TBX2: variants seen among roughly 807,000 people sequenced by gnomAD.
The protein encoded by TBX2 is T-box transcription factor TBX2.
A neutral mutation model predicts 48.4 loss-of-function variants in TBX2; 19 were observed. The ratio of observed to expected loss-of-function variants is 0.39; its 90% CI spans 0.27 to 0.58. TBX2 has a LOEUF of 0.58. Among genes scored for constraint, TBX2 ranks in the 20% least tolerant of loss-of-function variants. The probability of loss-of-function intolerance (pLI) is 0.54; values close to 1 mark genes in which losing one functional copy is unlikely to be tolerated. For synonymous variants in TBX2, 522 were observed against 459.7 expected (o/e 1.14, Z -1.73); for missense variants, 994 against 1,006.5 (o/e 0.99, Z 0.17).
Position 61,400,636 on chromosome 17 carries a change from G to A in TBX2, c.395+65G>A. On this transcript the variant is annotated intron_variant, in intron 1 of 6. Transcript: ENST00000240328. This position sits in a 1 kb window ranked among gnomAD's most constrained non-coding sequence, Gnocchi z 9.2. ...GGCGGGCTGGGGCACGGGACTGCAC[G>A]GATCAGAGCAGAGCTGGGGACTCCC... 1.3e-6 allele frequency: 2 copies of A among 1,491,634 alleles called. No homozygotes were observed. The highest frequency in any genetic ancestry group is 1.4e-5 in the African/African-American group (1 of 71,042). 92.4% of individuals were successfully genotyped at this position (1,491,634 alleles called of 1,614,324 possible).
intron 2 of TBX2, 67 bp from the exon 3 acceptor site, chr17:61,402,994 T>C (rs898886735): frequency 1.8e-5 from 26 of 1,428,498 alleles, no homozygotes; most frequent in Admixed American, 2.6e-5. Flanking sequence ...AGAGGTCAGG[T>C]ACCCAAAGAA....
At chr17:61,402,306 C>T (rs146300791) in intron 2 of TBX2, among the ~76,000 whole-genome samples, 25 of 152,238 alleles carry the variant, frequency 1.6e-4, no homozygotes, top group Admixed American at 1.6e-3. Context: ...AGGTGCCGAG[C>T]TTGGAAGACC....
chr17:61,402,027 G>T, intron 2 of TBX2, 76 bp downstream of exon 2: 1 of 1,514,410 alleles, frequency 6.6e-7, no homozygotes, highest in African/African-American at 1.4e-5. Context: ...AGAGCAGGGC[G>T]GCAGGATCTC....
At position 61,403,321 on chromosome 17, in the gene TBX2, C is replaced by G; in HGVS notation, c.810+114C>G. On this transcript the variant is annotated intron_variant, in intron 3 of 6. Coordinates refer to ENST00000240328, the MANE Select transcript of TBX2 (RefSeq NM_005994.4). The surrounding 1 kb of genome is among the most constrained non-coding windows in gnomAD (Gnocchi z 5.8). ...CCCCTGCACGGGATCCGCGCTCTTGCGGCCCGCCCCCGAGCACCGAGCCTC... is the reference window on the plus strand; with the variant it reads ...CCCCTGCACGGGATCCGCGCTCTTGGGGCCCGCCCCCGAGCACCGAGCCTC... 6.7e-7 allele frequency: 1 copy of G among 1,482,338 alleles called. No homozygotes were observed. The highest frequency in any genetic ancestry group is 9.0e-7 in the Non-Finnish European group (1 of 1,113,570). The allele number at this position is 1,482,338 out of a possible 1,614,324, so 91.8% of individuals were successfully genotyped here. A position where few individuals can be genotyped will look rare whatever the true frequency, so the allele number is the denominator to read the frequency against.
chr17:61,400,280 C>A lies in TBX2; in HGVS notation c.104C>A (p.Pro35His). 8.5e-7 allele frequency: 1 copy of A among 1,171,960 alleles called. No individual in the cohort carries two copies. The highest frequency in any genetic ancestry group is 1.8e-5 in the South Asian group (1 of 56,444). 72.6% of individuals were successfully genotyped at this position (1,171,960 alleles called of 1,614,324 possible). The change falls in exon 1 of 7, where the codon CCC (proline) becomes CAC (histidine). Residue 35 changes from proline (P) to histidine (H), a missense_variant. Around this residue, in one of 5 missense-constraint regions of TBX2, gnomAD observed 165 missense variants for 136.8 expected, o/e 1.21. Transcript: ENST00000240328. The surrounding 1 kb of genome is among the most constrained non-coding windows in gnomAD (Gnocchi z 9.2). ...TCCGCCTTTCTGGCGGCGGCGCAGC[C>A]CTCCTTCTTCCCGGCACTCGCGCTG... ...PMSAFLAAAQPSFFPALALPP... is the reference protein window; with the variant it reads ...PMSAFLAAAQHSFFPALALPP...
At position 61,403,277 on chromosome 17, in the gene TBX2, G is replaced by C; in HGVS notation, c.810+70G>C. On this transcript the variant is annotated intron_variant, in intron 3 of 6. Coordinates refer to ENST00000240328, the MANE Select transcript of TBX2 (RefSeq NM_005994.4). This position sits in a 1 kb window ranked among gnomAD's most constrained non-coding sequence, Gnocchi z 5.8. ...TCAACACGTGCAGGCCCAACCGTCCGTTCATCGCCCCTCGAAGCCCCCTGC... is the reference window on the plus strand; with the variant it reads ...TCAACACGTGCAGGCCCAACCGTCCCTTCATCGCCCCTCGAAGCCCCCTGC... 1 of 1,574,314 alleles carries C rather than the reference G, an allele frequency of 6.4e-7. No individual in the cohort carries two copies. Among genetic ancestry groups the C allele is most frequent in the Non-Finnish European group, 8.6e-7 (1 of 1,168,834 alleles).
chr17:61,407,888 C>T, intron 6 of TBX2, 166 bp from the exon 7 acceptor site: 2 of 855,842 alleles, frequency 2.3e-6, no homozygotes, highest in East Asian at 2.6e-5. Context: ...TGGCCACAGG[C>T]ACACTGGCTC....
rs755172964 is a variant in TBX2 at position 61,405,433 on chromosome 17, A to G, written c.1283A>G (p.Glu428Gly). Residue 428 changes from glutamate (E) to glycine (G), a missense_variant, in exon 6 of 7, where the codon GAA becomes GGA. By Grantham distance (98) the Glu-to-Gly change is moderately conservative. Coordinates refer to ENST00000240328, the MANE Select transcript of TBX2 (RefSeq NM_005994.4). ...GLRSLEKERA[E>G]ARRKDEGRKE... ...AGGAGCCTGGAGAAGGAGCGCGCCG[A>G]AGCTCGGAGGAAGGACGAGGGGCGC... 2 of 1,559,602 alleles carry G rather than the reference A, an allele frequency of 1.3e-6. No individual in the cohort carries two copies. Among genetic ancestry groups the G allele is most frequent in the South Asian group, 2.3e-5 (2 of 85,226 alleles).
chr17:61,400,132 C>G lies in TBX2; in HGVS notation c.-45C>G. 1 of 968,474 alleles carries G rather than the reference C, an allele frequency of 1.0e-6. No homozygotes were observed. The highest frequency in any genetic ancestry group is 1.2e-6 in the Non-Finnish European group (1 of 816,516). 60.0% of individuals were successfully genotyped at this position (968,474 alleles called of 1,614,324 possible). A position where few individuals can be genotyped will look rare whatever the true frequency, so the allele number is the denominator to read the frequency against. On this transcript the variant is annotated 5_prime_UTR_variant, in exon 1 of 7. Transcript: ENST00000240328. The surrounding 1 kb of genome is among the most constrained non-coding windows in gnomAD (Gnocchi z 9.2). ...GGGCCGGGGGTCCGAGCCGCGCGCCCCCGGCCCCGGCCCCGGCCCCCGGGC... is the reference window on the plus strand; with the variant it reads ...GGGCCGGGGGTCCGAGCCGCGCGCCGCCGGCCCCGGCCCCGGCCCCCGGGC...
Position 61,401,712 on chromosome 17 carries a change from G to C in TBX2, c.424G>C (p.Val142Leu), listed in dbSNP as rs139125476. 1.2e-5 allele frequency: 19 copies of C among 1,612,670 alleles called. No homozygotes were observed. The African/African-American group carries it at 2.1e-4, about 18-fold the overall frequency. The change falls in exon 2 of 7, where the codon GTC (valine) becomes CTC (leucine). Residue 142 changes from valine (V) to leucine (L), a missense_variant. This residue lies in a region of TBX2 where 153 missense variants were observed against 166.2 expected (regional missense o/e 0.92). Transcript: ENST00000240328. ...RRMFPPFKVR[V>L]SGLDKKAKYI... ...GATGTTCCCCCCCTTCAAGGTGCGAGTCAGCGGCCTGGACAAGAAGGCCAA... is the reference window on the plus strand; with the variant it reads ...GATGTTCCCCCCCTTCAAGGTGCGACTCAGCGGCCTGGACAAGAAGGCCAA...
chr17:61,405,106 C>T, intron 5 of TBX2, 96 bp from the exon 6 acceptor site: 1 of 1,499,430 alleles, frequency 6.7e-7, no homozygotes, highest in South Asian at 1.3e-5. Context: ...GCTCCTCCGA[C>T]TCGGCCTCCC....
Position 61,403,440 on chromosome 17 carries a change from T to G in TBX2, c.810+233T>G, listed in dbSNP as rs2060273648. Among the ~76,000 whole-genome samples, 1 of 152,268 alleles carries G rather than the reference T, an allele frequency of 6.6e-6. No individual in the cohort carries two copies. The highest frequency in any genetic ancestry group is 6.5e-5 in the Admixed American group (1 of 15,294). ...GGCTCCCCTGGGGCGAGCGAACAGC[T>G]GGGCCGTCGTTCTGATGGAGATGTT... On this transcript the variant is annotated intron_variant, in intron 3 of 6. Coordinates refer to ENST00000240328, the MANE Select transcript of TBX2 (RefSeq NM_005994.4). The surrounding 1 kb of genome is among the most constrained non-coding windows in gnomAD (Gnocchi z 5.8).
chr17:61,404,822 G>A (rs762468926), intron 5 of TBX2, 53 bp downstream of exon 5: 7 of 1,533,548 alleles, frequency 4.6e-6, no homozygotes, highest in Non-Finnish European at 6.1e-6. Flanking sequence ...GGGTCCTCAG[G>A]TCGCTGGGCT....
chr17:61,407,760 TG>T (rs1248606318), intron 6 of TBX2: 7 of 393,764 alleles, frequency 1.8e-5, no homozygotes, highest in Non-Finnish European at 3.1e-5. Flanking sequence ...CCTTCACCCG[TG>T]CTAGGGCAGT....
intron 2 of TBX2, 92 bp from the exon 3 acceptor site, chr17:61,402,969 A>AGAGG: frequency 1.1e-5 from 2 of 182,238 alleles, no homozygotes. Context: ...AGAGAGAGAG[A>AGAGG]GAAAGTGGAG....
At chr17:61,402,948 G>GAC (rs1569015344) in intron 2 of TBX2, 113 bp from the exon 3 acceptor site, 3 of 1,040,872 alleles carry the variant, frequency 2.9e-6, no homozygotes, top group African/African-American at 4.6e-5. Flanking sequence ...GAGAGAGAGA[G>GAC]AGAGAGAGAG....
In TBX2 at chr17:61,400,572, G is replaced by A. The variant is rs1306317923; in HGVS notation, c.395+1G>A. On this transcript the variant is annotated splice_donor_variant, in intron 1 of 6. Transcript: ENST00000240328. LOFTEE classifies it high-confidence loss of function. The surrounding 1 kb of genome is among the most constrained non-coding windows in gnomAD (Gnocchi z 9.2). Reference sequence around the variant, plus strand: ...AGATGGTCATCACCAAGTCCGGGAGGTAGGGCTGCCGGCCGGCTGGAAGGC... The same window carrying A: ...AGATGGTCATCACCAAGTCCGGGAGATAGGGCTGCCGGCCGGCTGGAAGGC... 1 of 1,545,578 alleles carries A rather than the reference G, an allele frequency of 6.5e-7. No homozygotes were observed. The highest frequency in any genetic ancestry group is 2.4e-5 in the East Asian group (1 of 41,146).
Position 61,399,996 on chromosome 17 carries a change from C to G in TBX2, c.-181C>G, listed in dbSNP as rs561833087. The G allele has an allele frequency of 5.6e-6, 1 of 177,292 alleles. No homozygotes were observed. 11.0% of individuals were successfully genotyped at this position (177,292 alleles called of 1,614,324 possible). A position where few individuals can be genotyped will look rare whatever the true frequency, so the allele number is the denominator to read the frequency against. ...CCGGCCCCGCGCAGAGCCCCCGCCGCCCCCGCGCACAGAGCCGGGTGCCCC... is the reference window on the plus strand; with the variant it reads ...CCGGCCCCGCGCAGAGCCCCCGCCGGCCCCGCGCACAGAGCCGGGTGCCCC... On this transcript the variant is annotated 5_prime_UTR_variant, in exon 1 of 7. Transcript: ENST00000240328. This position sits in a 1 kb window ranked among gnomAD's most constrained non-coding sequence, Gnocchi z 4.7.
chr17:61,408,576 A>G lies in TBX2; in HGVS notation c.*70A>G. ...CCTGCCCCTGCTGCTTGGGACGTGT[A>G]CAGCACAGAATGAGTATTTATTTAA... is the stretch of plus-strand genomic sequence containing the variant. On this transcript the variant is annotated 3_prime_UTR_variant, in exon 7 of 7. Transcript: ENST00000240328. 1 of 1,335,098 alleles carries G rather than the reference A, an allele frequency of 7.5e-7. No individual in the cohort carries two copies. The highest frequency in any genetic ancestry group is 1.6e-5 in the South Asian group (1 of 60,988). 82.7% of individuals were successfully genotyped at this position (1,335,098 alleles called of 1,614,324 possible). A position where few individuals can be genotyped will look rare whatever the true frequency, so the allele number is the denominator to read the frequency against.
Sources: gnomAD v4.1 joint callset for allele counts (sites outside exome capture counted in the v4.1 genomes callset) on GRCh38, gnomAD v4.1.1 for gene constraint, gnomAD v4.1.1 regional missense constraint, Gnocchi (gnomAD v3.1) non-coding constraint, MANE v1.5 for transcripts, NCBI Gene and HGNC (gene_info 2026-07-23, HGNC 2026-07-21) for gene names.